SEC11A: variants seen among roughly 807,000 people sequenced by gnomAD.
SEC11A encodes SEC11 homolog A, signal peptidase complex subunit, also known as signal peptidase complex catalytic subunit SEC11A.
Under a neutral mutation model 25.6 loss-of-function variants are expected in SEC11A, and 14 were observed. That is an observed-to-expected ratio of 0.55 (90% confidence interval 0.36 to 0.85). The LOEUF (loss-of-function observed/expected upper bound fraction) is 0.85. SEC11A is among the 40% of genes least tolerant of loss of function. The pLI, the probability that SEC11A is intolerant of heterozygous loss-of-function variation, is 0.01. For missense variants in SEC11A, 153 were observed against 222.9 expected, an observed-to-expected ratio of 0.69 and a Z score of 2.00; for synonymous variants, 83 against 76.4, an observed-to-expected ratio of 1.09 and a Z score of -0.45.
chr15:84,701,873 C>G (rs1897954211), intron 1 of SEC11A, among the ~76,000 whole-genome samples: 1 of 151,580 alleles, frequency 6.6e-6, no homozygotes, highest in Non-Finnish European at 1.5e-5. Context: ...TCGAGACCAT[C>G]CTGGCCAACA....
intron 1 of SEC11A, among the ~76,000 whole-genome samples, chr15:84,695,200 C>A (rs1007061275): frequency 6.7e-6 from 1 of 149,862 alleles, no homozygotes; most frequent in Non-Finnish European, 1.5e-5. Flanking sequence ...CGGTGGCTCA[C>A]GCATGTAATC....
chr15:84,682,906 T>C (rs1043094465), intron 3 of SEC11A, among the ~76,000 whole-genome samples: 1 of 152,108 alleles, frequency 6.6e-6, no homozygotes, highest in South Asian at 2.1e-4. Context: ...GATTGACCAC[T>C]GTAGTAGAAA....
chr15:84,690,779 G>A (rs1354896458), intron 2 of SEC11A, among the ~76,000 whole-genome samples: 2 of 152,064 alleles, frequency 1.3e-5, no homozygotes, highest in Admixed American at 6.6e-5. Context: ...CAGGAAACTT[G>A]GAAATAATTA....
At chr15:84,680,269 C>A (rs1256706416) in intron 4 of SEC11A, among the ~76,000 whole-genome samples, 1 of 151,216 alleles carries the variant, frequency 6.6e-6, no homozygotes, top group Non-Finnish European at 1.5e-5. Context: ...CTATTGCACT[C>A]CAGCCTGGGT....
In SEC11A at chr15:84,669,865, A is replaced by T; in HGVS notation, c.*154T>A. ...GGTGCACATGCGCCCGCCCACACAA[A>T]CTCTGGCATGGAAACATAAACTAAT... is the stretch of plus-strand genomic sequence containing the variant. On this transcript the variant is annotated 3_prime_UTR_variant, in exon 6 of 6. Coordinates refer to ENST00000268220, the MANE Select transcript of SEC11A (RefSeq NM_014300.4). 6.9e-7 allele frequency: 1 copy of T among 1,442,008 alleles called. No homozygotes were observed. The highest frequency in any genetic ancestry group is 9.4e-7 in the Non-Finnish European group (1 of 1,058,470). The allele number at this position is 1,442,008 out of a possible 1,614,324, so 89.3% of individuals were successfully genotyped here.
Position 84,680,840 on chromosome 15 carries a change from G to A in SEC11A, c.312-8C>T. 6.2e-7 allele frequency: 1 copy of A among 1,600,330 alleles called. No homozygotes were observed. Among genetic ancestry groups the A allele is most frequent in the Non-Finnish European group, 8.5e-7 (1 of 1,173,106 alleles). On this transcript the variant is annotated splice_region_variant and splice_polypyrimidine_tract_variant and intron_variant, in intron 3 of 5. Coordinates refer to ENST00000268220, the MANE Select transcript of SEC11A (RefSeq NM_014300.4). The stretch of plus-strand genomic sequence containing the variant: ...TTGATATGCCCATTTTGCCTTAAAA[G>A]AGTAAAGGAAACCCAAGTCATCAAA...
At chr15:84,711,966 T>C (rs1007347894) in intron 1 of SEC11A, among the ~76,000 whole-genome samples, 2 of 152,038 alleles carry the variant, frequency 1.3e-5, no homozygotes, top group African/African-American at 4.8e-5. Flanking sequence ...CTTGGCTGGG[T>C]GTGGTGGCTC....
intron 1 of SEC11A, 21 bp downstream of exon 1, chr15:84,716,004 A>T: frequency 6.2e-7 from 1 of 1,612,598 alleles, no homozygotes; most frequent in South Asian, 1.1e-5. Context: ...GCCAGGAGAA[A>T]AAGAGGACGG....
At chr15:84,683,867 T>C (rs1254496971) in intron 3 of SEC11A, among the ~76,000 whole-genome samples, 1 of 152,314 alleles carries the variant, frequency 6.6e-6, no homozygotes, top group East Asian at 1.9e-4. Flanking sequence ...TCACAAGTCA[T>C]AGGCTCAAAA....
intron 1 of SEC11A, among the ~76,000 whole-genome samples, chr15:84,708,822 T>A (rs1262570659): frequency 1.3e-5 from 2 of 151,844 alleles, no homozygotes; most frequent in East Asian, 3.9e-4. Context: ...GAAAAAGCTA[T>A]CTAGAAATCG....
intron 1 of SEC11A, chr15:84,714,759 T>C (rs945106682): frequency 6.6e-6 from 1 of 152,236 alleles, no homozygotes; most frequent in African/African-American, 2.4e-5. Context: ...GCTTCACACA[T>C]GGCAAGAGCT....
At chr15:84,683,002 G>A (rs1165238020) in intron 3 of SEC11A, among the ~76,000 whole-genome samples, 12 of 152,084 alleles carry the variant, frequency 7.9e-5, no homozygotes, top group Non-Finnish European at 1.3e-4. Context: ...TAAATCTGCA[G>A]AGGAAACTAA....
chr15:84,699,652 C>T (rs533566682), intron 1 of SEC11A, among the ~76,000 whole-genome samples: 100 of 151,986 alleles, frequency 6.6e-4, no homozygotes, highest in Non-Finnish European at 1.1e-3. Context: ...CAGCCAGGCA[C>T]GGTGGCTCAT....
chr15:84,695,977 A>G (rs1897756623), intron 1 of SEC11A, among the ~76,000 whole-genome samples: 1 of 152,208 alleles, frequency 6.6e-6, no homozygotes, highest in African/African-American at 2.4e-5. Flanking sequence ...TTTTAAGTCC[A>G]CGCTAATGGC....
chr15:84,691,922 T>G (rs1290228125), intron 1 of SEC11A: 2 of 233,058 alleles, frequency 8.6e-6, no homozygotes, highest in Non-Finnish European at 1.7e-5. Context: ...GTTATTTCAT[T>G]TGGGCTCCAT....
At chr15:84,701,140 T>C (rs1469100485) in intron 1 of SEC11A, among the ~76,000 whole-genome samples, 2 of 141,832 alleles carry the variant, frequency 1.4e-5, no homozygotes, top group African/African-American at 2.6e-5. Context: ...ACAATAGAAA[T>C]TATCTCAAAT....
chr15:84,674,558 A>G (rs1028488777), intron 4 of SEC11A, among the ~76,000 whole-genome samples: 1 of 151,956 alleles, frequency 6.6e-6, no homozygotes. Flanking sequence ...TGGAATTTAA[A>G]AAAAAAAATT....
intron 1 of SEC11A, among the ~76,000 whole-genome samples, chr15:84,695,956 T>A (rs1253027121): frequency 6.6e-6 from 1 of 152,192 alleles, no homozygotes; most frequent in Non-Finnish European, 1.5e-5. Flanking sequence ...CTAAACTGTT[T>A]TGGTTTATTT....
At chr15:84,682,610 A>G (rs1019443554) in intron 3 of SEC11A, among the ~76,000 whole-genome samples, 4 of 151,652 alleles carry the variant, frequency 2.6e-5, no homozygotes, top group African/African-American at 9.7e-5. Context: ...CACCACACCC[A>G]GCTATTTTTT....
Sources: gnomAD v4.1 joint callset for allele counts (sites outside exome capture counted in the v4.1 genomes callset) on GRCh38, gnomAD v4.1.1 for gene constraint, MANE v1.5 for transcripts, NCBI Gene and HGNC (gene_info 2026-07-23, HGNC 2026-07-21) for gene names.